The following KPNA1 variants were observed in gnomAD, a reference collection of about 807,000 sequenced individuals.
The protein encoded by KPNA1 is karyopherin subunit alpha 1.
A neutral mutation model predicts 70.5 loss-of-function variants in KPNA1; 10 were observed. That is an observed-to-expected ratio of 0.14 (90% confidence interval 0.09 to 0.24). KPNA1 has a LOEUF of 0.24. Among genes scored for constraint, KPNA1 ranks in the 10% least tolerant of loss-of-function variants. KPNA1 has a pLI of 1.00. For missense variants in KPNA1, 397 were observed against 637.9 expected (o/e 0.62, Z 4.07); for synonymous variants, 192 against 221.9 (o/e 0.87, Z 1.20).
intron 4 of KPNA1, among the ~76,000 whole-genome samples, chr3:122,462,572 T>C (rs1459610022): frequency 3.4e-5 from 5 of 148,486 alleles, no homozygotes; most frequent in African/African-American, 1.3e-4. Context: ...AGCAGAATGG[T>C]GAAAGCCCTT....
chr3:122,439,565 A>C (rs913276033), intron 10 of KPNA1, among the ~76,000 whole-genome samples: 2 of 151,146 alleles, frequency 1.3e-5, no homozygotes, highest in Non-Finnish European at 2.9e-5. Flanking sequence ...TAAAATCTTA[A>C]GGAGAAATTC....
intron 2 of KPNA1, among the ~76,000 whole-genome samples, chr3:122,484,954 G>C (rs2076612606): frequency 6.6e-6 from 1 of 152,174 alleles, no homozygotes; most frequent in Non-Finnish European, 1.5e-5. Context: ...CTGGAGTGCA[G>C]GGGCACAATC....
chr3:122,432,784 A>C (rs933954567), intron 12 of KPNA1: 3 of 152,086 alleles, frequency 2.0e-5, no homozygotes, highest in African/African-American at 7.2e-5. Flanking sequence ...CCACTCATTA[A>C]GCTTATAAGC....
intron 2 of KPNA1, among the ~76,000 whole-genome samples, chr3:122,487,142 TATA>T (rs934227199): frequency 2.0e-5 from 3 of 152,196 alleles, no homozygotes; most frequent in Non-Finnish European, 4.4e-5. Flanking sequence ...CGGGCCTCTT[TATA>T]ATGACAGATC....
chr3:122,433,678 T>C lies in KPNA1; in HGVS notation c.1233A>G (p.Gly411=), dbSNP rs757978544. ...AWAITNATSG[G]SAEQIKYLVE... ...GTACTTACTTGATCTGTTCAGCTGATCCTCCAGAAGTTGCATTTGTGATGG... is the reference window on the plus strand; with the variant it reads ...GTACTTACTTGATCTGTTCAGCTGACCCTCCAGAAGTTGCATTTGTGATGG... Residue 411 remains glycine (G), a synonymous_variant, in exon 12 of 14, where the codon GGA becomes GGG. Transcript: ENST00000344337. 30 of 1,606,956 alleles carry C rather than the reference T, an allele frequency of 1.9e-5. No homozygotes were observed. The highest frequency in any genetic ancestry group is 1.7e-4 in the Middle Eastern group (1 of 6,040).
chr3:122,459,710 A>C, intron 5 of KPNA1: 4 of 985,488 alleles, frequency 4.1e-6, no homozygotes, highest in Non-Finnish European at 4.8e-6. Context: ...AATTCAAATG[A>C]GCATGGGAAC....
At chr3:122,442,251 G>C (rs2076074167) in intron 9 of KPNA1, 135 bp from the exon 10 acceptor site, 1 of 648,184 alleles carries the variant, frequency 1.5e-6, no homozygotes, top group African/African-American at 1.8e-5. Flanking sequence ...CTAATTAAGG[G>C]AACGCTTATC....
intron 4 of KPNA1, among the ~76,000 whole-genome samples, chr3:122,462,878 C>T (rs1165472082): frequency 6.6e-6 from 1 of 152,058 alleles, no homozygotes; most frequent in Non-Finnish European, 1.5e-5. Context: ...TTTTTACTTG[C>T]CCAGGTTGAT....
At chr3:122,430,468 G>A (rs2075886391) in intron 12 of KPNA1, among the ~76,000 whole-genome samples, 1 of 150,224 alleles carries the variant, frequency 6.7e-6, no homozygotes, top group South Asian at 2.1e-4. Context: ...AAAGTTTCCT[G>A]GAACCTATCA....
chr3:122,428,630 G>A (rs183977189), intron 12 of KPNA1, among the ~76,000 whole-genome samples: 24 of 152,296 alleles, frequency 1.6e-4, no homozygotes, highest in African/African-American at 5.8e-4. Flanking sequence ...TCATTCAGAT[G>A]ATAAAATGAA....
chr3:122,462,226 C>CA (rs61230809), intron 4 of KPNA1, among the ~76,000 whole-genome samples: 4,982 of 150,408 alleles, frequency 0.033, 132 homozygotes, highest in East Asian at 0.13. Flanking sequence ...ACAACAACAA[C>CA]AAAAAAAAAC....
chr3:122,454,815 T>C (rs2076247257), intron 5 of KPNA1, among the ~76,000 whole-genome samples: 1 of 152,168 alleles, frequency 6.6e-6, no homozygotes, highest in African/African-American at 2.4e-5. Context: ...AAGGTTGATA[T>C]ATAGCATTAC....
At chr3:122,500,740 G>C (rs2076819362) in intron 1 of KPNA1, among the ~76,000 whole-genome samples, 1 of 152,058 alleles carries the variant, frequency 6.6e-6, no homozygotes, top group Admixed American at 6.6e-5. Context: ...CTGGGCTCAA[G>C]TGATCCTCCT....
At chr3:122,486,650 C>T (rs1371626811) in intron 2 of KPNA1, among the ~76,000 whole-genome samples, 1 of 151,810 alleles carries the variant, frequency 6.6e-6, no homozygotes, top group Non-Finnish European at 1.5e-5. Context: ...TGCAGTGGCG[C>T]GATCTCAGCT....
chr3:122,449,117 T>C (rs1340621623), intron 9 of KPNA1, among the ~76,000 whole-genome samples: 1 of 152,226 alleles, frequency 6.6e-6, no homozygotes, highest in African/African-American at 2.4e-5. Context: ...ATTAATACAG[T>C]CTCAAATTAT....
chr3:122,424,189 A>C lies in KPNA1; in HGVS notation c.*2796T>G, dbSNP rs942823890. The C allele has an allele frequency of 6.6e-6, 1 of 152,228 alleles. No homozygotes were observed. Among genetic ancestry groups the C allele is most frequent in the African/African-American group, 2.4e-5 (1 of 41,462 alleles). 9.4% of individuals were successfully genotyped at this position (152,228 alleles called of 1,614,324 possible). On this transcript the variant is annotated 3_prime_UTR_variant, in exon 14 of 14. Coordinates refer to ENST00000344337, the MANE Select transcript of KPNA1 (RefSeq NM_002264.4). ...GGGGAATAAAAAGGAAAAGTAAAAC[A>C]AAGTCACTTTCCCCAATCCATATAT...
intron 2 of KPNA1, among the ~76,000 whole-genome samples, chr3:122,477,165 G>A (rs1320545371): frequency 6.6e-6 from 1 of 152,104 alleles, no homozygotes. Flanking sequence ...AAGGCAATAA[G>A]ACAGATACAG....
At chr3:122,433,907 A>C in intron 11 of KPNA1, 119 bp from the exon 12 acceptor site, 2 of 766,192 alleles carry the variant, frequency 2.6e-6, no homozygotes, top group South Asian at 4.1e-5. Context: ...GTCAGAAATA[A>C]ATTGAAAAGA....
chr3:122,439,883 G>A (rs576570576), intron 10 of KPNA1, among the ~76,000 whole-genome samples: 1 of 152,270 alleles, frequency 6.6e-6, no homozygotes, highest in South Asian at 2.1e-4. Flanking sequence ...AGTTTCATGT[G>A]TAGGTAAAGA....
Sources: gnomAD v4.1 joint callset for allele counts (sites outside exome capture counted in the v4.1 genomes callset) on GRCh38, gnomAD v4.1.1 for gene constraint, MANE v1.5 for transcripts, NCBI Gene and HGNC (gene_info 2026-07-23, HGNC 2026-07-21) for gene names.